The following PSMA6 variants were observed in gnomAD, a reference collection of about 807,000 sequenced individuals.
PSMA6 encodes proteasome subunit alpha type-6.
For synonymous variants in PSMA6, 88 were observed against 97.7 expected, an observed-to-expected ratio of 0.90 and a Z score of 0.59; for missense variants, 170 against 294.8, an observed-to-expected ratio of 0.58 and a Z score of 3.10.
At chr14:35,307,276 A>G (rs1452469824) in intron 1 of PSMA6, among the ~76,000 whole-genome samples, 1 of 152,250 alleles carries the variant, frequency 6.6e-6, no homozygotes, top group Non-Finnish European at 1.5e-5. Context: ...CATGTGGTCA[A>G]ATTAGTTACT....
chr14:35,289,766 T>G (rs1012145873), upstream of PSMA6, among the ~76,000 whole-genome samples: 1 of 152,034 alleles, frequency 6.6e-6, no homozygotes, highest in Admixed American at 6.6e-5. Context: ...AAAAAAATTT[T>G]TTTTAAACTA....
At chr14:35,308,716 TA>T (rs1441590102) in intron 2 of PSMA6, 197 bp from the exon 3 acceptor site, 11 of 479,494 alleles carry the variant, frequency 2.3e-5, no homozygotes, top group Non-Finnish European at 3.7e-5. Flanking sequence ...CTAGAAAAGG[TA>T]AATAGAGCCC....
intron 1 of PSMA6, among the ~76,000 whole-genome samples, chr14:35,281,786 A>T (rs888685936): frequency 6.6e-6 from 1 of 152,226 alleles, no homozygotes; most frequent in Admixed American, 6.5e-5. Flanking sequence ...ATTATAAAAT[A>T]GAGACAGGAT....
At chr14:35,294,081 G>C (rs1016745699) in intron 1 of PSMA6, among the ~76,000 whole-genome samples, 2 of 152,196 alleles carry the variant, frequency 1.3e-5, no homozygotes, top group Non-Finnish European at 2.9e-5. Flanking sequence ...CTTCACTCTT[G>C]TTGCCTAGGC....
chr14:35,306,964 TG>T (rs1256530110), intron 1 of PSMA6, among the ~76,000 whole-genome samples: 4 of 151,850 alleles, frequency 2.6e-5, no homozygotes, highest in Admixed American at 2.6e-4. Flanking sequence ...CTGGCCAACG[TG>T]GTGAAACCCC....
intron 1 of PSMA6, among the ~76,000 whole-genome samples, chr14:35,305,554 A>T (rs575242999): frequency 1.6e-4 from 25 of 152,328 alleles, no homozygotes; most frequent in African/African-American, 5.5e-4. Context: ...ATTAAAAGAG[A>T]TTCTTTAGCC....
chr14:35,312,136 C>G (rs2051954656), intron 4 of PSMA6, among the ~76,000 whole-genome samples: 2 of 146,644 alleles, frequency 1.4e-5, no homozygotes, highest in South Asian at 4.3e-4. Context: ...GAGGCCGAGG[C>G]AGGAGGATCA....
Position 35,317,331 on chromosome 14 carries a change from C to T in PSMA6, c.*25C>T, listed in dbSNP as rs774805370. The T allele has an allele frequency of 4.4e-6, 7 of 1,574,956 alleles. No homozygotes were observed. The highest frequency in any genetic ancestry group is 6.1e-6 in the Non-Finnish European group (7 of 1,146,182). On this transcript the variant is annotated 3_prime_UTR_variant, in exon 7 of 7. Transcript: ENST00000261479. ...AACATTGTCGTTAGTTTACCAGATC[C>T]GTGATGCCACTTACCTGTGTGTTTG...
intron 1 of PSMA6, among the ~76,000 whole-genome samples, chr14:35,278,891 T>C (rs2051334915): frequency 6.6e-6 from 1 of 152,194 alleles, no homozygotes; most frequent in Admixed American, 6.5e-5. Flanking sequence ...ATTAAGTTGT[T>C]GTACGTATAT....
chr14:35,294,683 C>T (rs9671221), intron 1 of PSMA6, among the ~76,000 whole-genome samples: 59 of 151,750 alleles, frequency 3.9e-4, no homozygotes, highest in Middle Eastern at 3.4e-3. Flanking sequence ...TTATTAGATG[C>T]TTGTTTGATT....
rs551767484 is a variant in PSMA6 at position 35,312,770 on chromosome 14, A to G, written c.410-111A>G. On this transcript the variant is annotated intron_variant, in intron 4 of 6. Coordinates refer to ENST00000261479, the MANE Select transcript of PSMA6 (RefSeq NM_002791.3). ...TTTCTTAAAGGAAAATACATATCCT[A>G]AAATTGATGGCCAAAGTCATGATTA... 45 of 996,038 alleles carry G rather than the reference A, an allele frequency of 4.5e-5. 1 individual carries two copies. In the South Asian group the frequency reaches 8.1e-4, roughly 18 times the overall value. The allele number at this position is 996,038 out of a possible 1,614,324, so 61.7% of individuals were successfully genotyped here.
intron 1 of PSMA6, among the ~76,000 whole-genome samples, chr14:35,303,196 A>G (rs370101090): frequency 5.3e-5 from 8 of 152,264 alleles, no homozygotes; most frequent in African/African-American, 1.9e-4. Flanking sequence ...TCTAATAGGC[A>G]GTTAATTTGG....
At chr14:35,312,431 C>G (rs752985258) in intron 4 of PSMA6, among the ~76,000 whole-genome samples, 5 of 142,432 alleles carry the variant, frequency 3.5e-5, no homozygotes, top group Non-Finnish European at 6.0e-5. Context: ...GGCGTGAACC[C>G]GGGAGGAGGA....
At chr14:35,292,349 A>G (rs71640265), upstream of PSMA6, 7,278 of 1,520,876 alleles carry the variant, frequency 4.8e-3, 28 homozygotes, top group Non-Finnish European at 6.0e-3. Context: ...TGAGTTCGGC[A>G]TGCAAGAGCG....
At chr14:35,298,240 A>C (rs1167179628) in intron 1 of PSMA6, among the ~76,000 whole-genome samples, 1 of 152,190 alleles carries the variant, frequency 6.6e-6, no homozygotes, top group Non-Finnish European at 1.5e-5. Flanking sequence ...CTGTAATCCC[A>C]GCACTTTGGG....
At chr14:35,296,988 C>T (rs1385040152) in intron 1 of PSMA6, among the ~76,000 whole-genome samples, 1 of 147,550 alleles carries the variant, frequency 6.8e-6, no homozygotes, top group Non-Finnish European at 1.5e-5. Context: ...AATGACCCCA[C>T]CCCCTTGAGG....
chr14:35,314,191 C>A, intron 5 of PSMA6, 170 bp from the exon 6 acceptor site: 1 of 644,814 alleles, frequency 1.6e-6, no homozygotes, highest in Non-Finnish European at 2.2e-6. Context: ...AAAAAAATTT[C>A]TCATCATTGG....
chr14:35,284,821 T>A (rs990712242), intron 1 of PSMA6, among the ~76,000 whole-genome samples: 1 of 152,170 alleles, frequency 6.6e-6, no homozygotes, highest in Non-Finnish European at 1.5e-5. Context: ...AATTAAAGGT[T>A]TATTCATTAG....
At chr14:35,293,102 T>C (rs759661928) in intron 1 of PSMA6, 6 of 430,746 alleles carry the variant, frequency 1.4e-5, no homozygotes, top group Middle Eastern at 3.4e-4. Flanking sequence ...AACAAACGGA[T>C]AAAAAAAATT....
Sources: gnomAD v4.1 joint callset for allele counts (sites outside exome capture counted in the v4.1 genomes callset) on GRCh38, gnomAD v4.1.1 for gene constraint, MANE v1.5 for transcripts, NCBI Gene and HGNC (gene_info 2026-07-23, HGNC 2026-07-21) for gene names.